TSPAN5: variants seen among roughly 807,000 people sequenced by gnomAD.
TSPAN5 encodes tetraspanin 5, also known as tetraspanin-5.
A neutral mutation model predicts 37.1 loss-of-function variants in TSPAN5; 10 were observed. The ratio of observed to expected loss-of-function variants is 0.27; its 90% CI spans 0.17 to 0.46. The LOEUF (loss-of-function observed/expected upper bound fraction) is 0.46, where lower values mean the gene tolerates loss of function less well. TSPAN5 is among the 20% of genes least tolerant of loss of function. TSPAN5 has a pLI of 1.00. For missense variants in TSPAN5, 195 were observed against 326.6 expected (o/e 0.60, Z 3.11); for synonymous variants, 110 against 118.9 (o/e 0.93, Z 0.48).
chr4:98,611,523 T>G (rs1756189809), intron 1 of TSPAN5, among the ~76,000 whole-genome samples: 2 of 152,210 alleles, frequency 1.3e-5, no homozygotes, highest in South Asian at 4.1e-4. Flanking sequence ...GAGCTCAGCA[T>G]AGCATTATTC....
At chr4:98,588,983 C>T (rs1465680168) in intron 1 of TSPAN5, among the ~76,000 whole-genome samples, 1 of 152,094 alleles carries the variant, frequency 6.6e-6, no homozygotes, top group Non-Finnish European at 1.5e-5. Context: ...GCATTCTATA[C>T]ATGAGAAAAC....
chr4:98,486,855 G>C lies in TSPAN5; in HGVS notation c.162C>G (p.Thr54=). The C allele has an allele frequency of 6.2e-7, 1 of 1,614,044 alleles. No individual in the cohort carries two copies. Reference sequence around the variant, plus strand: ...AAACTGGGTCAAAGCCGCCGAGATCGGTGATGGAAGAGATGTTGGACAGAA... The same window carrying C: ...AAACTGGGTCAAAGCCGCCGAGATCCGTGATGGAAGAGATGTTGGACAGAA... ...KGVLSNISSI[T]DLGGFDPVWL... is the part of the protein sequence containing the mutation. Residue 54 remains threonine (T), a synonymous_variant, in exon 3 of 8, where the codon ACC becomes ACG. Coordinates refer to ENST00000305798, the MANE Select transcript of TSPAN5 (RefSeq NM_005723.4).
intron 1 of TSPAN5, among the ~76,000 whole-genome samples, chr4:98,592,230 G>A (rs1258656824): frequency 1.3e-5 from 2 of 149,384 alleles, no homozygotes; most frequent in Non-Finnish European, 3.0e-5. Context: ...AAACAAAGTG[G>A]AAGAGAAGCC....
chr4:98,539,455 CA>C (rs1229718447), intron 1 of TSPAN5, among the ~76,000 whole-genome samples: 1 of 152,182 alleles, frequency 6.6e-6, no homozygotes, highest in Non-Finnish European at 1.5e-5. Flanking sequence ...CCCTCTTCCC[CA>C]AACCACAATT....
chr4:98,563,626 G>A (rs1754925610), intron 1 of TSPAN5, among the ~76,000 whole-genome samples: 1 of 152,166 alleles, frequency 6.6e-6, no homozygotes, highest in Non-Finnish European at 1.5e-5. Flanking sequence ...CAAGAATTAT[G>A]AGAATGGAAT....
chr4:98,555,792 C>T (rs542174171), intron 1 of TSPAN5, among the ~76,000 whole-genome samples: 1 of 152,138 alleles, frequency 6.6e-6, no homozygotes, highest in Middle Eastern at 3.2e-3. Flanking sequence ...CCACAACCAG[C>T]GGTAGCAGCT....
chr4:98,658,424 C>A lies in TSPAN5; in HGVS notation c.-198G>T. 1 of 331,674 alleles carries A rather than the reference C, an allele frequency of 3.0e-6. No homozygotes were observed. The highest frequency in any genetic ancestry group is 5.4e-6 in the Non-Finnish European group (1 of 185,648). The allele number at this position is 331,674 out of a possible 1,614,324, so 20.5% of individuals were successfully genotyped here. On this transcript the variant is annotated 5_prime_UTR_variant, in exon 1 of 8. Transcript: ENST00000305798. Reference sequence around the variant, plus strand: ...ACCTCCAGCCCCTCGCGCGCCGAGGCCGCCGGAGCCGGGGTGGCCGCGAGA... The same window carrying A: ...ACCTCCAGCCCCTCGCGCGCCGAGGACGCCGGAGCCGGGGTGGCCGCGAGA...
intron 1 of TSPAN5, among the ~76,000 whole-genome samples, chr4:98,553,126 T>C (rs1754660245): frequency 6.6e-6 from 1 of 152,264 alleles, no homozygotes; most frequent in Non-Finnish European, 1.5e-5. Flanking sequence ...TAAGAGCTTT[T>C]TTTGTGAGCT....
At chr4:98,500,788 G>A (rs941039193) in intron 2 of TSPAN5, among the ~76,000 whole-genome samples, 1 of 152,164 alleles carries the variant, frequency 6.6e-6, no homozygotes, top group African/African-American at 2.4e-5. Flanking sequence ...CATTGTGTAG[G>A]AGGCATTGTG....
At chr4:98,529,653 T>C (rs1322471662) in intron 1 of TSPAN5, among the ~76,000 whole-genome samples, 1 of 152,224 alleles carries the variant, frequency 6.6e-6, no homozygotes, top group Non-Finnish European at 1.5e-5. Context: ...CCCAGGCATC[T>C]GACTCCAGAA....
Position 98,658,375 on chromosome 4 carries a change from C to T in TSPAN5, c.-149G>A. On this transcript the variant is annotated 5_prime_UTR_variant, in exon 1 of 8. Transcript: ENST00000305798. ...GGCCTGGGCTCAGCCGCGCGGGGACCGACCGGCGGAGAGCGGCTCCCGCAC... is the reference window on the plus strand; with the variant it reads ...GGCCTGGGCTCAGCCGCGCGGGGACTGACCGGCGGAGAGCGGCTCCCGCAC... 1.9e-6 allele frequency: 1 copy of T among 534,294 alleles called. No individual in the cohort carries two copies. The allele number at this position is 534,294 out of a possible 1,614,324, so 33.1% of individuals were successfully genotyped here.
At chr4:98,498,206 G>A (rs767923279) in intron 2 of TSPAN5, among the ~76,000 whole-genome samples, 2 of 152,118 alleles carry the variant, frequency 1.3e-5, no homozygotes, top group African/African-American at 2.4e-5. Flanking sequence ...ACCCATGTGA[G>A]GAGACAGACA....
At chr4:98,598,173 A>G (rs56255125) in intron 1 of TSPAN5, among the ~76,000 whole-genome samples, 9 of 137,510 alleles carry the variant, frequency 6.5e-5, no homozygotes, top group African/African-American at 2.1e-4. Flanking sequence ...GAAAAGCGCA[A>G]TATTCGGGTG....
chr4:98,566,171 C>T (rs947115643), intron 1 of TSPAN5, among the ~76,000 whole-genome samples: 1 of 151,976 alleles, frequency 6.6e-6, no homozygotes, highest in Non-Finnish European at 1.5e-5. Context: ...CCTTATAATC[C>T]GTGCTTATAA....
At chr4:98,623,979 G>C (rs558477965) in intron 1 of TSPAN5, among the ~76,000 whole-genome samples, 2 of 152,220 alleles carry the variant, frequency 1.3e-5, no homozygotes, top group East Asian at 3.9e-4. Flanking sequence ...AAATATGATT[G>C]ATGTTAGGAC....
intron 2 of TSPAN5, among the ~76,000 whole-genome samples, chr4:98,498,555 G>A (rs1008136600): frequency 3.9e-5 from 6 of 152,088 alleles, no homozygotes; most frequent in African/African-American, 7.2e-5. Flanking sequence ...TGTGCGCCTC[G>A]GTGAAATCTG....
intron 2 of TSPAN5, among the ~76,000 whole-genome samples, chr4:98,489,045 A>C (rs1355908746): frequency 6.6e-6 from 1 of 152,198 alleles, no homozygotes; most frequent in Non-Finnish European, 1.5e-5. Context: ...GAGAGAGAAG[A>C]CTTTGGGGAT....
intron 1 of TSPAN5, among the ~76,000 whole-genome samples, chr4:98,514,360 A>G (rs1753684018): frequency 6.6e-6 from 1 of 152,208 alleles, no homozygotes; most frequent in Non-Finnish European, 1.5e-5. Context: ...CTAAATACTT[A>G]TAATAACAAA....
chr4:98,536,171 C>T (rs1444764774), intron 1 of TSPAN5, among the ~76,000 whole-genome samples: 1 of 152,154 alleles, frequency 6.6e-6, no homozygotes, highest in East Asian at 1.9e-4. Context: ...GTGGATTTAT[C>T]CATCTTTGGT....
Sources: gnomAD v4.1 joint callset for allele counts (sites outside exome capture counted in the v4.1 genomes callset) on GRCh38, gnomAD v4.1.1 for gene constraint, MANE v1.5 for transcripts, NCBI Gene and HGNC (gene_info 2026-07-23, HGNC 2026-07-21) for gene names.